The following STRADB variants were observed in gnomAD, a reference collection of about 807,000 sequenced individuals.
The protein encoded by STRADB is STE20-related kinase adapter protein beta.
A neutral mutation model predicts 52.1 loss-of-function variants in STRADB; 34 were observed. That is an observed-to-expected ratio of 0.65 (90% CI 0.50 to 0.87). The LOEUF is 0.87. Among genes scored for constraint, STRADB ranks in the 40% least tolerant of loss-of-function variants. The probability of loss-of-function intolerance (pLI) is 0.00; values close to 1 mark genes in which losing one functional copy is unlikely to be tolerated. For missense variants in STRADB, 340 were observed against 483.9 expected (o/e 0.70, Z 2.79); for synonymous variants, 133 against 174.5 (o/e 0.76, Z 1.87).
At chr2:201,465,255 G>A (rs1158182598) in intron 3 of STRADB, among the ~76,000 whole-genome samples, 1 of 152,210 alleles carries the variant, frequency 6.6e-6, no homozygotes, top group African/African-American at 2.4e-5. Context: ...CCCACAGCAG[G>A]TACTGCCTGG....
chr2:201,458,690 C>A, intron 2 of STRADB, 94 bp from the exon 3 acceptor site: 1 of 1,080,276 alleles, frequency 9.3e-7, no homozygotes. Flanking sequence ...TCTCTTTTCC[C>A]CACTGTAGTC....
At chr2:201,474,593 A>C (rs1464891187) in intron 5 of STRADB, 54 bp from the exon 6 acceptor site, 2 of 1,498,514 alleles carry the variant, frequency 1.3e-6, no homozygotes, top group Non-Finnish European at 1.8e-6. Context: ...CATTTTCATC[A>C]TAAGGAAAAA....
chr2:201,456,498 A>G (rs1952129416), intron 2 of STRADB, among the ~76,000 whole-genome samples: 1 of 152,232 alleles, frequency 6.6e-6, no homozygotes, highest in African/African-American at 2.4e-5. Flanking sequence ...GGTGATTTAT[A>G]TCGTTAATGA....
chr2:201,462,197 T>G (rs1952226346), intron 3 of STRADB, among the ~76,000 whole-genome samples: 2 of 152,226 alleles, frequency 1.3e-5, no homozygotes, highest in South Asian at 4.1e-4. Flanking sequence ...TGAAATTTAT[T>G]TTGCCTGATA....
rs1290540500 is a variant in STRADB at position 201,473,006 on chromosome 2, C to T, written c.245C>T (p.Thr82Ile). 3.0e-5 allele frequency: 48 copies of T among 1,612,702 alleles called. No homozygotes were observed. The highest frequency in any genetic ancestry group is 3.7e-5 in the Non-Finnish European group (44 of 1,179,602). ...TSVHLARHTP[T>I]GTLVTIKITN... ...GTCCATCTTGCACGGCATACTCCCA[C>T]AGGAACACTGGTAACTATAAAAATT... The change falls in exon 5 of 12, where the codon ACA (threonine) becomes ATA (isoleucine). Residue 82 changes from threonine to isoleucine, a missense_variant. Thr to Ile is a moderately conservative substitution (Grantham distance 89). Coordinates refer to ENST00000194530, the MANE Select transcript of STRADB (RefSeq NM_018571.6).
chr2:201,467,355 T>A (rs754162038), intron 3 of STRADB, among the ~76,000 whole-genome samples: 3 of 152,166 alleles, frequency 2.0e-5, no homozygotes, highest in Non-Finnish European at 4.4e-5. Context: ...TGCTGACCAT[T>A]CCCTCTTCAC....
Position 201,478,405 on chromosome 2 carries a change from A to C in STRADB, c.874A>C (p.Ser292Arg). The change falls in exon 10 of 12, where the codon AGT (serine) becomes CGT (arginine). Residue 292 changes from serine (S) to arginine (R), a missense_variant. By Grantham distance (110) the Ser-to-Arg change is moderately radical. Transcript: ENST00000194530. ...TCCTCCTTATAGCCCATTGGATATC[A>C]GTATTTTCCCTCAATCAGAATCCAG... is the stretch of plus-strand genomic sequence containing the variant. ...KGPPYSPLDI[S>R]IFPQSESRMK... The C allele has an allele frequency of 6.2e-7, 1 of 1,614,178 alleles. No individual in the cohort carries two copies. The highest frequency in any genetic ancestry group is 8.5e-7 in the Non-Finnish European group (1 of 1,180,026).
chr2:201,473,106 TGGG>T (rs758064946), intron 5 of STRADB, 30 bp downstream of exon 5: 2 of 1,597,524 alleles, frequency 1.3e-6, no homozygotes, highest in African/African-American at 2.7e-5. Flanking sequence ...GATACACAGT[TGGG>T]CCTCTGTATC....
intron 11 of STRADB, 147 bp downstream of exon 11, chr2:201,479,678 T>C (rs1331598428): frequency 1.2e-6 from 1 of 821,366 alleles, no homozygotes; most frequent in Non-Finnish European, 1.9e-6. Flanking sequence ...AGAAAACTTT[T>C]GGTAGTTCAA....
At chr2:201,460,565 T>G (rs941262853) in intron 3 of STRADB, among the ~76,000 whole-genome samples, 5 of 152,178 alleles carry the variant, frequency 3.3e-5, no homozygotes, top group Non-Finnish European at 5.9e-5. Context: ...TCTATCTCCA[T>G]GAGTTCAATT....
chr2:201,457,123 A>C (rs970722406), intron 2 of STRADB, among the ~76,000 whole-genome samples: 1 of 152,234 alleles, frequency 6.6e-6, no homozygotes, highest in Non-Finnish European at 1.5e-5. Flanking sequence ...GCAAAATCCC[A>C]GTTCCCAGAT....
intron 3 of STRADB, among the ~76,000 whole-genome samples, chr2:201,460,988 A>G (rs950885388): frequency 3.3e-5 from 5 of 149,644 alleles, no homozygotes; most frequent in African/African-American, 1.2e-4. Context: ...CATCATCACC[A>G]ACAGCATATG....
intron 2 of STRADB, among the ~76,000 whole-genome samples, chr2:201,455,090 C>A (rs1952107643): frequency 6.6e-6 from 1 of 152,144 alleles, no homozygotes; most frequent in South Asian, 2.1e-4. Context: ...TGTCCCATAT[C>A]TACTTTTTCT....
At chr2:201,478,845 G>A (rs1183925875) in intron 10 of STRADB, among the ~76,000 whole-genome samples, 9 of 151,962 alleles carry the variant, frequency 5.9e-5, no homozygotes, top group South Asian at 2.1e-4. Context: ...AGGCCGAGGC[G>A]GGTGGATTGC....
intron 2 of STRADB, among the ~76,000 whole-genome samples, chr2:201,458,420 A>C (rs1166557255): frequency 6.6e-6 from 1 of 152,254 alleles, no homozygotes; most frequent in Non-Finnish European, 1.5e-5. Flanking sequence ...TAATGAATTC[A>C]GCAGAATAAT....
At chr2:201,452,108 CGA>C (rs1280103450) in intron 1 of STRADB, among the ~76,000 whole-genome samples, 170 bp downstream of exon 1, 1 of 151,994 alleles carries the variant, frequency 6.6e-6, no homozygotes, top group Non-Finnish European at 1.5e-5. Context: ...GAATGCGGCC[CGA>C]GGTGGCGAGC....
At chr2:201,475,542 T>C (rs1277047885) in intron 6 of STRADB, 77 bp from the exon 7 acceptor site, 7 of 1,575,946 alleles carry the variant, frequency 4.4e-6, no homozygotes, top group Non-Finnish European at 6.1e-6. Flanking sequence ...TGTTTATGGT[T>C]GAAAAGAACA....
chr2:201,466,757 C>T (rs1952311045), intron 3 of STRADB, among the ~76,000 whole-genome samples: 1 of 152,098 alleles, frequency 6.6e-6, no homozygotes, highest in Non-Finnish European at 1.5e-5. Flanking sequence ...TAAAATAATG[C>T]AATTTTAGCA....
intron 2 of STRADB, 71 bp from the exon 3 acceptor site, chr2:201,458,713 T>G: frequency 1.4e-6 from 2 of 1,400,082 alleles, no homozygotes; most frequent in Non-Finnish European, 2.0e-6. Flanking sequence ...TAGACCTTTT[T>G]GTATCTACAT....
Sources: gnomAD v4.1 joint callset for allele counts (sites outside exome capture counted in the v4.1 genomes callset) on GRCh38, gnomAD v4.1.1 for gene constraint, MANE v1.5 for transcripts, NCBI Gene and HGNC (gene_info 2026-07-23, HGNC 2026-07-21) for gene names.